The following HKDC1 variants were observed in gnomAD, a reference collection of about 807,000 sequenced individuals.
HKDC1 encodes hexokinase domain containing 1, also known as hexokinase HKDC1.
A neutral mutation model predicts 96.6 loss-of-function variants in HKDC1; 66 were observed. The observed-to-expected ratio is 0.68, with a 90% CI of 0.56 to 0.84. The LOEUF is 0.84. HKDC1 is among the 40% of genes least tolerant of loss of function. The pLI, the probability that HKDC1 is intolerant of heterozygous loss-of-function variation, is 0.00. For missense variants in HKDC1, 1,211 were observed against 1,208.1 expected, an observed-to-expected ratio of 1.00 and a Z score of -0.04; for synonymous variants, 466 against 473.1, an observed-to-expected ratio of 0.98 and a Z score of 0.20.
intron 12 of HKDC1, among the ~76,000 whole-genome samples, chr10:69,253,288 G>T (rs1047478364): frequency 1.3e-5 from 2 of 152,134 alleles, no homozygotes; most frequent in African/African-American, 4.8e-5. Context: ...TGAGGCTGGG[G>T]CAGAGCTGTC....
intron 2 of HKDC1, chr10:69,232,403 A>G (rs1391094525): frequency 4.5e-6 from 1 of 222,302 alleles, no homozygotes; most frequent in African/African-American, 2.3e-5. Context: ...TGGGAGCACC[A>G]GCTCTCTCTT....
chr10:69,220,873 G>C (rs1564721505), intron 1 of HKDC1, among the ~76,000 whole-genome samples: 1 of 152,212 alleles, frequency 6.6e-6, no homozygotes, highest in Non-Finnish European at 1.5e-5. Context: ...CAGAAGGCTG[G>C]GCGCAGTGGC....
At chr10:69,225,444 C>G (rs376997517) in intron 1 of HKDC1, among the ~76,000 whole-genome samples, 4 of 152,158 alleles carry the variant, frequency 2.6e-5, no homozygotes, top group African/African-American at 9.7e-5. Context: ...CTTAATGAAG[C>G]CTGACCTGGT....
intron 12 of HKDC1, among the ~76,000 whole-genome samples, chr10:69,253,686 G>T (rs929077758): frequency 1.3e-5 from 2 of 152,138 alleles, no homozygotes; most frequent in Admixed American, 1.3e-4. Flanking sequence ...CTTCACTTTC[G>T]AGGCAGCATA....
At chr10:69,252,390 A>G (rs561728475) in intron 12 of HKDC1, among the ~76,000 whole-genome samples, 75 of 152,202 alleles carry the variant, frequency 4.9e-4, no homozygotes, top group African/African-American at 1.7e-3. Flanking sequence ...TCATGCCTAT[A>G]ATCCTAGCAC....
chr10:69,224,440 C>A (rs573802867), intron 1 of HKDC1, among the ~76,000 whole-genome samples: 28 of 151,986 alleles, frequency 1.8e-4, no homozygotes, highest in Non-Finnish European at 3.7e-4. Flanking sequence ...CCCGCCACCA[C>A]GCCTGGCTAA....
intron 4 of HKDC1, among the ~76,000 whole-genome samples, chr10:69,237,844 G>C (rs745923880): frequency 6.6e-6 from 1 of 152,136 alleles, no homozygotes; most frequent in Non-Finnish European, 1.5e-5. Flanking sequence ...TCCTTCACTC[G>C]CGGTGAAATT....
chr10:69,229,563 G>T (rs1564725352), intron 2 of HKDC1, among the ~76,000 whole-genome samples: 1 of 152,190 alleles, frequency 6.6e-6, no homozygotes, highest in East Asian at 1.9e-4. Context: ...CTGGACTGCA[G>T]CCCCTCCTCC....
chr10:69,252,309 C>G (rs962064352), intron 12 of HKDC1, among the ~76,000 whole-genome samples: 7 of 151,648 alleles, frequency 4.6e-5, no homozygotes, highest in African/African-American at 1.7e-4. Flanking sequence ...GCCAGGAGTT[C>G]AAGACCAGCC....
intron 12 of HKDC1, among the ~76,000 whole-genome samples, chr10:69,253,842 G>C (rs1843680737): frequency 1.3e-5 from 2 of 152,224 alleles, no homozygotes; most frequent in Non-Finnish European, 2.9e-5. Context: ...AGACTCACCA[G>C]CTTGTGGAGA....
intron 12 of HKDC1, 123 bp from the exon 13 acceptor site, chr10:69,256,913 T>C (rs1843724385): frequency 1.4e-6 from 1 of 714,600 alleles, no homozygotes; most frequent in South Asian, 1.6e-5. Context: ...GGTGGAGGCA[T>C]AGTCAAAAGC....
intron 5 of HKDC1, 47 bp from the exon 6 acceptor site, chr10:69,240,605 A>G (rs1703595748): frequency 6.7e-7 from 1 of 1,487,952 alleles, no homozygotes; most frequent in Non-Finnish European, 9.4e-7. Context: ...AGGGAGGGAA[A>G]CACCTCCTTC....
intron 5 of HKDC1, 50 bp from the exon 6 acceptor site, chr10:69,240,602 G>C (rs1170754368): frequency 6.7e-7 from 1 of 1,486,260 alleles, no homozygotes; most frequent in African/African-American, 1.4e-5. Context: ...AGGAGGGAGG[G>C]AAACACCTCC....
intron 16 of HKDC1, among the ~76,000 whole-genome samples, chr10:69,265,022 T>C (rs1477284706): frequency 6.6e-6 from 1 of 152,214 alleles, no homozygotes; most frequent in Non-Finnish European, 1.5e-5. Context: ...GCTCATTGAA[T>C]ATACCCTGCT....
chr10:69,222,171 G>A (rs1354757431), intron 1 of HKDC1, among the ~76,000 whole-genome samples: 3 of 152,038 alleles, frequency 2.0e-5, no homozygotes, highest in Non-Finnish European at 4.4e-5. Context: ...ACAGTGAGCC[G>A]AGATCATGCC....
chr10:69,224,407 C>T (rs113236754), intron 1 of HKDC1, among the ~76,000 whole-genome samples: 24,292 of 151,902 alleles, frequency 0.16, 2,611 homozygotes, highest in Non-Finnish European at 0.23. Flanking sequence ...CCTCAGCCTC[C>T]GAAGTAGCTG....
intron 2 of HKDC1, among the ~76,000 whole-genome samples, chr10:69,230,212 C>T (rs979026332): frequency 6.6e-6 from 1 of 152,168 alleles, no homozygotes; most frequent in African/African-American, 2.4e-5. Context: ...CCTTCTCTGC[C>T]AGTCATGGAA....
intron 4 of HKDC1, among the ~76,000 whole-genome samples, chr10:69,237,831 C>T (rs555106290): frequency 6.6e-6 from 1 of 152,236 alleles, no homozygotes; most frequent in East Asian, 1.9e-4. Context: ...GGCTTGGGCT[C>T]TATCCTTCAC....
In HKDC1 at chr10:69,250,598, C is replaced by T; in HGVS notation, c.1782C>T (p.Ser594=). ...FLDYMGLKGA[S]LPLGFTFSFP... is the part of the protein sequence containing the mutation. Reference sequence around the variant, plus strand: ...ACTACATGGGCCTCAAGGGAGCCTCCCTACCTTTGGGCTTCACATTCTCAT... The same window carrying T: ...ACTACATGGGCCTCAAGGGAGCCTCTCTACCTTTGGGCTTCACATTCTCAT... The change falls in exon 12 of 18, where the codon TCC becomes TCT. Residue 594 remains serine (S), a synonymous_variant. Transcript: ENST00000354624. 6.2e-7 allele frequency: 1 copy of T among 1,614,088 alleles called. No homozygotes were observed. Among genetic ancestry groups the T allele is most frequent in the Non-Finnish European group, 8.5e-7 (1 of 1,179,996 alleles).
Sources: allele counts gnomAD v4.1 joint callset (sites outside exome capture counted in the v4.1 genomes callset), GRCh38; gene constraint gnomAD v4.1.1; transcripts MANE v1.5; gene names NCBI Gene and HGNC (gene_info 2026-07-23, HGNC 2026-07-21).